The following FBXL17 variants were observed in gnomAD, a reference collection of about 807,000 sequenced individuals.
The protein encoded by FBXL17 is F-box/LRR-repeat protein 17.
FBXL17 carries 22 observed loss-of-function variants against 66.2 expected under a neutral mutation model. That is an observed-to-expected ratio of 0.33 (90% CI 0.24 to 0.47). The LOEUF is 0.47. Among genes scored for constraint, FBXL17 ranks in the 20% least tolerant of loss-of-function variants. The probability of loss-of-function intolerance (pLI) is 1.00; values close to 1 mark genes in which losing one functional copy is unlikely to be tolerated. For synonymous variants in FBXL17, 474 were observed against 400.5 expected, an observed-to-expected ratio of 1.18 and a Z score of -2.19; for missense variants, 878 against 948.2, an observed-to-expected ratio of 0.93 and a Z score of 0.97.
chr5:108,370,615 T>C lies in FBXL17; in HGVS notation c.994-2662A>G, dbSNP rs540922771. On this transcript the variant is annotated intron_variant, in intron 1 of 8. Coordinates refer to ENST00000542267, the MANE Select transcript of FBXL17 (RefSeq NM_001163315.3). Reference sequence around the variant, plus strand: ...AAAATTAGACAGACATGGTGGCGCATGCCTGTAGTCCCAGTTACTCAGGAG... The same window carrying C: ...AAAATTAGACAGACATGGTGGCGCACGCCTGTAGTCCCAGTTACTCAGGAG... 9.9e-5 allele frequency among the ~76,000 whole-genome samples: 15 copies of C among 152,200 alleles called. No homozygotes were observed. The East Asian group carries it at 2.9e-3, about 29-fold the overall frequency.
Position 108,380,999 on chromosome 5 carries a change from CCCTCCCCCGCCACCGCCG to C in FBXL17, c.675_692del (p.Gly226_Gly231del), listed in dbSNP as rs1749843686. ...GCGGCGAAGCGCCTCCCCCCGCAGGCCCTCCCCCGCCACCGCCGCCGCCGCCGCCGCCGCAGCCCCCGC... is the reference window on the plus strand; with the variant it reads ...GCGGCGAAGCGCCTCCCCCCGCAGGCCCGCCGCCGCCGCCGCAGCCCCCGC... On this transcript the variant is annotated inframe_deletion, in exon 1 of 9. Transcript: ENST00000542267. The C allele has an allele frequency of 2.5e-6, 3 of 1,198,824 alleles. No homozygotes were observed. In the African/African-American group the frequency reaches 4.8e-5, roughly 19 times the overall value. 74.3% of individuals were successfully genotyped at this position (1,198,824 alleles called of 1,614,324 possible).
At chr5:108,309,252 C>T (rs1295632014) in intron 4 of FBXL17, among the ~76,000 whole-genome samples, 3 of 151,854 alleles carry the variant, frequency 2.0e-5, no homozygotes, top group East Asian at 3.9e-4. Context: ...CAGAGCATAG[C>T]CATTTTTAAT....
intron 6 of FBXL17, among the ~76,000 whole-genome samples, chr5:108,144,346 G>T (rs979519554): frequency 6.6e-6 from 1 of 151,986 alleles, no homozygotes; most frequent in African/African-American, 2.4e-5. Context: ...GCCGAATTTA[G>T]GTATTCTCAT....
At chr5:108,314,661 A>T (rs1271863148) in intron 4 of FBXL17, among the ~76,000 whole-genome samples, 4 of 151,548 alleles carry the variant, frequency 2.6e-5, no homozygotes, top group Non-Finnish European at 5.9e-5. Context: ...CCAGAAAAAA[A>T]AATCAAAGTG....
At chr5:108,303,396 ATACC>A (rs779299354) in intron 4 of FBXL17, among the ~76,000 whole-genome samples, 372 of 108,836 alleles carry the variant, frequency 3.4e-3, no homozygotes, top group Non-Finnish European at 5.2e-3. Context: ...ACACACACAC[ATACC>A]CACACACAAG....
chr5:108,010,605 A>G (rs1168880086), intron 7 of FBXL17, among the ~76,000 whole-genome samples: 1 of 152,192 alleles, frequency 6.6e-6, no homozygotes. Flanking sequence ...AAATTCAATC[A>G]AAGGAAGCAC....
At chr5:108,047,031 T>C (rs1300746264) in intron 6 of FBXL17, among the ~76,000 whole-genome samples, 1 of 152,290 alleles carries the variant, frequency 6.6e-6, no homozygotes, top group East Asian at 1.9e-4. Context: ...GGGGCCAAGA[T>C]GGCCAACTAC....
intron 6 of FBXL17, among the ~76,000 whole-genome samples, chr5:108,064,429 C>G (rs1748039260): frequency 1.3e-5 from 2 of 152,026 alleles, no homozygotes; most frequent in African/African-American, 4.8e-5. Flanking sequence ...GAGTGGTGAA[C>G]ATGTATATTC....
At chr5:107,874,594 T>C (rs1748558428) in intron 8 of FBXL17, among the ~76,000 whole-genome samples, 1 of 152,190 alleles carries the variant, frequency 6.6e-6, no homozygotes, top group Admixed American at 6.5e-5. Context: ...AACTTGACAC[T>C]AGTGCTCAAC....
chr5:108,055,304 A>AC (rs1561388249), intron 6 of FBXL17, among the ~76,000 whole-genome samples: 12 of 31,038 alleles, frequency 3.9e-4, no homozygotes, highest in African/African-American at 2.4e-3. Flanking sequence ...AAAAAAAAAA[A>AC]AAAAAAAAAG....
At chr5:108,256,426 C>T (rs1161803089) in intron 4 of FBXL17, among the ~76,000 whole-genome samples, 2 of 151,966 alleles carry the variant, frequency 1.3e-5, no homozygotes, top group Non-Finnish European at 2.9e-5. Context: ...AACTCCAAAA[C>T]GTTTGTTTAA....
chr5:108,375,211 ACCAGGCATGCGC>A (rs1749335856), intron 1 of FBXL17, among the ~76,000 whole-genome samples: 1 of 152,088 alleles, frequency 6.6e-6, no homozygotes, highest in South Asian at 2.1e-4. Context: ...TAAGAAATTA[ACCAGGCATGCGC>A]CAGCATGCCT....
chr5:108,181,415 C>T (rs902237505), intron 6 of FBXL17, among the ~76,000 whole-genome samples: 6 of 152,036 alleles, frequency 3.9e-5, no homozygotes, highest in Non-Finnish European at 8.8e-5. Context: ...AAATATCATG[C>T]TGTTTAACTC....
intron 7 of FBXL17, among the ~76,000 whole-genome samples, chr5:107,958,781 TGTGC>T (rs2112622326): frequency 6.6e-6 from 1 of 152,330 alleles, no homozygotes; most frequent in African/African-American, 2.4e-5. Flanking sequence ...TAGGCAGACC[TGTGC>T]TTTCTCAGAA....
At chr5:108,042,117 A>C (rs1747071578) in intron 6 of FBXL17, among the ~76,000 whole-genome samples, 1 of 151,824 alleles carries the variant, frequency 6.6e-6, no homozygotes, top group South Asian at 2.1e-4. Flanking sequence ...CTGGTCTCGA[A>C]CTCCTGACCT....
chr5:108,052,542 T>A (rs1409956153), intron 6 of FBXL17, among the ~76,000 whole-genome samples: 1 of 152,074 alleles, frequency 6.6e-6, no homozygotes, highest in Non-Finnish European at 1.5e-5. Context: ...CTCAAGGAAA[T>A]AAGAGACAAT....
At chr5:107,937,003 G>T (rs1383476399) in intron 7 of FBXL17, among the ~76,000 whole-genome samples, 2 of 151,572 alleles carry the variant, frequency 1.3e-5, no homozygotes, top group African/African-American at 4.9e-5. Context: ...ATTCATCACT[G>T]AAAGTAACCA....
Position 107,861,522 on chromosome 5 carries a change from A to G in FBXL17, c.*198T>C. The G allele has an allele frequency of 4.7e-6, 2 of 423,774 alleles. No individual in the cohort carries two copies. Among genetic ancestry groups the G allele is most frequent in the Non-Finnish European group, 7.8e-6 (2 of 255,540 alleles). The allele number at this position is 423,774 out of a possible 1,614,324, so 26.3% of individuals were successfully genotyped here. ...TGGCTTTCATAATCTTTAATTTCTA[A>G]GAAAAAAAGCCAGCTCACTTGGGAA... On this transcript the variant is annotated 3_prime_UTR_variant, in exon 9 of 9. Coordinates refer to ENST00000542267, the MANE Select transcript of FBXL17 (RefSeq NM_001163315.3).
intron 7 of FBXL17, among the ~76,000 whole-genome samples, chr5:108,006,612 A>C (rs1049716455): frequency 1.3e-5 from 2 of 152,238 alleles, no homozygotes; most frequent in Non-Finnish European, 2.9e-5. Flanking sequence ...CAGGGATATG[A>C]TGCTTTGAAA....
Sources: gnomAD v4.1 joint callset for allele counts (sites outside exome capture counted in the v4.1 genomes callset) on GRCh38, gnomAD v4.1.1 for gene constraint, MANE v1.5 for transcripts, NCBI Gene and HGNC (gene_info 2026-07-23, HGNC 2026-07-21) for gene names.